Variants in SLC35F3 observed in about 807,000 individuals in gnomAD.
SLC35F3 encodes putative thiamine transporter SLC35F3.
A neutral mutation model predicts 49.9 loss-of-function variants in SLC35F3; 25 were observed. The observed-to-expected ratio is 0.50, with a 90% CI of 0.37 to 0.70. The LOEUF is 0.70. SLC35F3 is among the 30% of genes least tolerant of loss of function. The pLI, the probability that SLC35F3 is intolerant of heterozygous loss-of-function variation, is 0.00. For missense variants in SLC35F3, 525 were observed against 639.8 expected (o/e 0.82, Z 1.94); for synonymous variants, 275 against 265.4 (o/e 1.04, Z -0.35).
intron 2 of SLC35F3, among the ~76,000 whole-genome samples, chr1:233,975,940 T>C (rs1481774180): frequency 6.6e-6 from 1 of 152,184 alleles, no homozygotes; most frequent in Non-Finnish European, 1.5e-5. Flanking sequence ...GTGTGTGTTT[T>C]ATATGTGCGT....
At chr1:233,977,996 T>C (rs766985781) in intron 2 of SLC35F3, among the ~76,000 whole-genome samples, 1 of 152,198 alleles carries the variant, frequency 6.6e-6, no homozygotes, top group African/African-American at 2.4e-5. Flanking sequence ...TAGCAACTCA[T>C]AGGTTTCCTT....
chr1:234,303,337 C>A (rs775258911), intron 3 of SLC35F3, among the ~76,000 whole-genome samples: 1 of 152,216 alleles, frequency 6.6e-6, no homozygotes, highest in Non-Finnish European at 1.5e-5. Flanking sequence ...TTTCCCTGTT[C>A]TTGCTTAATC....
At chr1:234,187,949 A>G (rs1297033030) in intron 2 of SLC35F3, among the ~76,000 whole-genome samples, 1 of 152,202 alleles carries the variant, frequency 6.6e-6, no homozygotes, top group African/African-American at 2.4e-5. Flanking sequence ...GTGGGGAGGC[A>G]TGAAAGGCCA....
intron 2 of SLC35F3, among the ~76,000 whole-genome samples, chr1:233,941,680 A>G (rs976823998): frequency 1.3e-5 from 2 of 152,214 alleles, no homozygotes; most frequent in Non-Finnish European, 2.9e-5. Flanking sequence ...ACCTAATGAC[A>G]CCAATCCTGC....
At chr1:234,139,548 G>A (rs924270056) in intron 2 of SLC35F3, among the ~76,000 whole-genome samples, 13 of 152,192 alleles carry the variant, frequency 8.5e-5, no homozygotes, top group African/African-American at 2.2e-4. Context: ...TTTCCCATGC[G>A]TAAAAAAGAA....
At chr1:234,096,265 C>A (rs1181453156) in intron 2 of SLC35F3, among the ~76,000 whole-genome samples, 5 of 144,670 alleles carry the variant, frequency 3.5e-5, no homozygotes. Context: ...CTCTCTTTCC[C>A]CACATCACCC....
intron 2 of SLC35F3, among the ~76,000 whole-genome samples, chr1:234,167,765 T>TA (rs1347393012): frequency 3.3e-5 from 5 of 152,226 alleles, no homozygotes; most frequent in African/African-American, 1.2e-4. Context: ...CACCTCATGG[T>TA]AGGGTAAATA....
At chr1:234,068,193 A>C (rs1168854648) in intron 2 of SLC35F3, among the ~76,000 whole-genome samples, 1 of 152,204 alleles carries the variant, frequency 6.6e-6, no homozygotes, top group African/African-American at 2.4e-5. Flanking sequence ...ATGAAAATGA[A>C]GTGTCTCTAA....
At chr1:234,269,176 TATTTC>T (rs1267104286) in intron 3 of SLC35F3, among the ~76,000 whole-genome samples, 1 of 152,216 alleles carries the variant, frequency 6.6e-6, no homozygotes, top group Non-Finnish European at 1.5e-5. Flanking sequence ...TGTTAAAGAA[TATTTC>T]ATTTAATATT....
At chr1:234,124,721 A>T (rs1305128314) in intron 2 of SLC35F3, among the ~76,000 whole-genome samples, 1 of 152,186 alleles carries the variant, frequency 6.6e-6, no homozygotes, top group Non-Finnish European at 1.5e-5. Context: ...TTAAAAAATT[A>T]TCCGAGCATG....
At chr1:233,913,227 C>T (rs530257496) in intron 2 of SLC35F3, among the ~76,000 whole-genome samples, 9 of 152,260 alleles carry the variant, frequency 5.9e-5, no homozygotes, top group South Asian at 2.1e-4. Flanking sequence ...TATTGCTAGA[C>T]GGTAATTCCG....
At chr1:234,086,000 T>TCACTAAAG (rs1206109862) in intron 2 of SLC35F3, among the ~76,000 whole-genome samples, 1 of 152,238 alleles carries the variant, frequency 6.6e-6, no homozygotes, top group African/African-American at 2.4e-5. Flanking sequence ...TTGTGTGTTT[T>TCACTAAAG]CACTAAAGGG....
chr1:234,086,853 A>C (rs905089384), intron 2 of SLC35F3, among the ~76,000 whole-genome samples: 1 of 152,248 alleles, frequency 6.6e-6, no homozygotes, highest in Non-Finnish European at 1.5e-5. Context: ...AGATGCCCCT[A>C]GCTGTGTCCA....
intron 2 of SLC35F3, among the ~76,000 whole-genome samples, chr1:234,002,943 C>T (rs1460892007): frequency 6.6e-6 from 1 of 152,204 alleles, no homozygotes; most frequent in African/African-American, 2.4e-5. Context: ...CTACTAGCCA[C>T]TCTTTCAGTT....
chr1:234,058,474 A>C (rs2102861263), intron 2 of SLC35F3, among the ~76,000 whole-genome samples: 1 of 151,152 alleles, frequency 6.6e-6, no homozygotes, highest in Admixed American at 6.6e-5. Flanking sequence ...CTTCCTGAGT[A>C]GCTGAGACTA....
chr1:234,204,037 T>C (rs981767494), intron 2 of SLC35F3, among the ~76,000 whole-genome samples: 2 of 152,202 alleles, frequency 1.3e-5, no homozygotes, highest in African/African-American at 4.8e-5. Context: ...TTTCCCTGTG[T>C]TATTGAATAA....
At position 234,110,961 on chromosome 1, in the gene SLC35F3, T is replaced by TA. The variant is rs538273005; in HGVS notation, c.284-120456_284-120455insA. Among the ~76,000 whole-genome samples the TA allele has an allele frequency of 2.8e-3, 426 of 152,228 alleles. 2 individuals are homozygous for TA. The highest frequency in any genetic ancestry group is 9.8e-3 in the African/African-American group (407 of 41,484). ...ATTTTAAAAGATGAGAAGACTCTTA[T>TA]TTTTGTAATTATGTGAAAAATCTAG... is the stretch of plus-strand genomic sequence containing the variant. On this transcript the variant is annotated intron_variant, in intron 2 of 7. Coordinates refer to ENST00000366618, the MANE Select transcript of SLC35F3 (RefSeq NM_173508.4).
At chr1:234,226,279 T>C (rs1182454208) in intron 2 of SLC35F3, among the ~76,000 whole-genome samples, 1 of 152,166 alleles carries the variant, frequency 6.6e-6, no homozygotes, top group Non-Finnish European at 1.5e-5. Flanking sequence ...TCCTTTACAT[T>C]TGAAAGGCTT....
intron 2 of SLC35F3, among the ~76,000 whole-genome samples, chr1:233,992,638 A>C (rs1333057412): frequency 2.0e-5 from 3 of 152,226 alleles, no homozygotes; most frequent in Non-Finnish European, 2.9e-5. Context: ...CACTAAGCCC[A>C]GTTCTCAATG....
Sources: gnomAD v4.1 joint callset for allele counts (sites outside exome capture counted in the v4.1 genomes callset) on GRCh38, gnomAD v4.1.1 for gene constraint, MANE v1.5 for transcripts, NCBI Gene and HGNC (gene_info 2026-07-23, HGNC 2026-07-21) for gene names.